KANK1: variants seen among roughly 807,000 people sequenced by gnomAD.
KANK1 encodes the protein KN motif and ankyrin repeat domains 1, also known as KN motif and ankyrin repeat domain-containing protein 1.
A neutral mutation model predicts 106.2 loss-of-function variants in KANK1; 109 were observed. That is an observed-to-expected ratio of 1.03 (90% CI 0.88 to 1.20). The LOEUF (loss-of-function observed/expected upper bound fraction) is 1.20, where lower values mean the gene tolerates loss of function less well. KANK1 is among the 50% of genes most tolerant of loss of function. The pLI is 0.00. For synonymous variants in KANK1, 873 were observed against 652.2 expected, an observed-to-expected ratio of 1.34 and a Z score of -5.16; for missense variants, 2,399 against 1,710.7, an observed-to-expected ratio of 1.40 and a Z score of -7.10.
chr9:496,910 T>C (rs1232662975), intron 3 of KANK1, among the ~76,000 whole-genome samples: 1 of 152,200 alleles, frequency 6.6e-6, no homozygotes, highest in Non-Finnish European at 1.5e-5. Flanking sequence ...ACATTCTGAA[T>C]GCTCTATAAA....
intron 3 of KANK1, among the ~76,000 whole-genome samples, chr9:727,680 A>G (rs12337175): frequency 0.013 from 1,798 of 139,758 alleles, 36 homozygotes; most frequent in East Asian, 0.063. Flanking sequence ...ATAACTTTTC[A>G]TGTGTGTGTG....
chr9:567,178 C>G (rs1471234338), intron 1 of KANK1, among the ~76,000 whole-genome samples: 1 of 152,084 alleles, frequency 6.6e-6, no homozygotes, highest in Non-Finnish European at 1.5e-5. Context: ...TTTCTGGGTT[C>G]TCTCGTCTGT....
At chr9:612,630 C>A (rs909947125) in intron 1 of KANK1, among the ~76,000 whole-genome samples, 3 of 152,036 alleles carry the variant, frequency 2.0e-5, no homozygotes, top group Non-Finnish European at 4.4e-5. Context: ...GGACAAAGTA[C>A]AGAAACAATG....
chr9:715,275 T>G (rs1827376212), intron 3 of KANK1, among the ~76,000 whole-genome samples: 1 of 152,052 alleles, frequency 6.6e-6, no homozygotes, highest in Non-Finnish European at 1.5e-5. Context: ...TCAAACAGAG[T>G]CTGCAAGAAC....
chr9:506,637 A>G (rs1179990520), intron 1 of KANK1, among the ~76,000 whole-genome samples: 1 of 152,222 alleles, frequency 6.6e-6, no homozygotes, highest in Admixed American at 6.5e-5. Flanking sequence ...CTGGCCCCAA[A>G]GAAAGAAACC....
chr9:507,083 A>C (rs948562273), intron 1 of KANK1, among the ~76,000 whole-genome samples: 1 of 152,000 alleles, frequency 6.6e-6, no homozygotes, highest in Non-Finnish European at 1.5e-5. Flanking sequence ...CTTGTTTTCA[A>C]GTGTTTCGGG....
At chr9:633,022 C>A (rs936380055) in intron 1 of KANK1, among the ~76,000 whole-genome samples, 1 of 151,702 alleles carries the variant, frequency 6.6e-6, no homozygotes, top group African/African-American at 2.4e-5. Context: ...CAAAGCAAAA[C>A]GGCAGAGGTA....
chr9:734,946 G>A lies in KANK1; in HGVS notation c.3333+111G>A, dbSNP rs116278208. 127 of 760,708 alleles carry A rather than the reference G, an allele frequency of 1.7e-4. 3 individuals carry two copies. The African/African-American group carries it at 2.0e-3, about 12-fold the overall frequency. The allele number at this position is 760,708 out of a possible 1,614,324, so 47.1% of individuals were successfully genotyped here. ...GCTGTTGCTTGCATGCTTTTCTCCTGAACTGTTTCCAGCATGAGTGGGCTG... is the reference window on the plus strand; with the variant it reads ...GCTGTTGCTTGCATGCTTTTCTCCTAAACTGTTTCCAGCATGAGTGGGCTG... On this transcript the variant is annotated intron_variant, in intron 7 of 11. Coordinates refer to ENST00000382297, the MANE Select transcript of KANK1 (RefSeq NM_015158.5).
intron 10 of KANK1, among the ~76,000 whole-genome samples, chr9:743,193 A>C (rs1309545378): frequency 6.6e-6 from 1 of 152,190 alleles, no homozygotes; most frequent in Non-Finnish European, 1.5e-5. Flanking sequence ...ACAGGTTTGG[A>C]TCAGAGCTTC....
intron 1 of KANK1, among the ~76,000 whole-genome samples, chr9:575,793 G>C (rs1413323339): frequency 6.6e-6 from 1 of 152,316 alleles, no homozygotes; most frequent in African/African-American, 2.4e-5. Context: ...AGGCCAAGGC[G>C]GGCCCGATCA....
chr9:658,911 C>G (rs952819058), intron 1 of KANK1, among the ~76,000 whole-genome samples: 3 of 152,036 alleles, frequency 2.0e-5, no homozygotes, highest in Non-Finnish European at 4.4e-5. Context: ...ATGTTGTTTC[C>G]GTGGAAAGAC....
chr9:519,409 G>A (rs1475166724), intron 1 of KANK1, among the ~76,000 whole-genome samples: 1 of 151,610 alleles, frequency 6.6e-6, no homozygotes, highest in Non-Finnish European at 1.5e-5. Flanking sequence ...TATTTTCATA[G>A]GAGTAGCTAT....
chr9:580,785 T>G (rs1821899880), intron 1 of KANK1, among the ~76,000 whole-genome samples: 1 of 152,158 alleles, frequency 6.6e-6, no homozygotes, highest in Non-Finnish European at 1.5e-5. Context: ...CCTGAGCCCT[T>G]GGGTAGTCAA....
intron 1 of KANK1, among the ~76,000 whole-genome samples, chr9:632,415 T>G (rs1835962383): frequency 1.3e-5 from 2 of 152,174 alleles, no homozygotes; most frequent in Non-Finnish European, 1.5e-5. Flanking sequence ...GAAAGTTGAA[T>G]GGAAAATATT....
chr9:680,177 T>A (rs772672272), intron 2 of KANK1, among the ~76,000 whole-genome samples: 12 of 152,290 alleles, frequency 7.9e-5, no homozygotes, highest in Non-Finnish European at 8.8e-5. Context: ...AAATTTCATG[T>A]GACGATGGAG....
chr9:620,543 C>T (rs1238347032), intron 1 of KANK1, among the ~76,000 whole-genome samples: 1 of 151,878 alleles, frequency 6.6e-6, no homozygotes, highest in African/African-American at 2.4e-5. Flanking sequence ...GCTGGGATTA[C>T]GGGCGCCTGC....
At chr9:730,011 C>T in intron 3 of KANK1, 40 bp from the exon 4 acceptor site, 1 of 1,561,446 alleles carries the variant, frequency 6.4e-7, no homozygotes, top group Non-Finnish European at 8.8e-7. Context: ...CTTTTTCAGT[C>T]CTAGCATCAC....
chr9:529,312 C>T (rs1027983932), intron 1 of KANK1, among the ~76,000 whole-genome samples: 9 of 148,522 alleles, frequency 6.1e-5, no homozygotes, highest in Non-Finnish European at 8.9e-5. Context: ...TTTTTTGAGA[C>T]GGAGTCTTGC....
intron 1 of KANK1, among the ~76,000 whole-genome samples, chr9:608,070 G>A (rs1225187313): frequency 4.0e-5 from 5 of 124,748 alleles, no homozygotes; most frequent in Non-Finnish European, 6.3e-5. Flanking sequence ...TCGCTCTGTC[G>A]CCCAGGCCGG....
Sources: allele counts gnomAD v4.1 joint callset (sites outside exome capture counted in the v4.1 genomes callset), GRCh38; gene constraint gnomAD v4.1.1; transcripts MANE v1.5; gene names NCBI Gene and HGNC (gene_info 2026-07-23, HGNC 2026-07-21).